The following TRAPPC9 variants were observed in gnomAD, a reference collection of about 807,000 sequenced individuals.
TRAPPC9 encodes IKK2 binding protein.
In TRAPPC9, 83 loss-of-function variants were observed where a neutral mutation model predicts 124.0. The ratio of observed to expected loss-of-function variants is 0.67; its 90% CI spans 0.56 to 0.80. The LOEUF is 0.80. Ranked by LOEUF, TRAPPC9 falls within the 30% of genes least tolerant of loss-of-function variation. The pLI is 0.00. For synonymous variants in TRAPPC9, 638 were observed against 617.5 expected (o/e 1.03, Z -0.49); for missense variants, 1,302 against 1,508.3 (o/e 0.86, Z 2.27).
chr8:140,263,058 G>A (rs1284911643), intron 15 of TRAPPC9, among the ~76,000 whole-genome samples: 1 of 152,162 alleles, frequency 6.6e-6, no homozygotes, highest in African/African-American at 2.4e-5. Context: ...CAGAGCCCTC[G>A]GTAGCACTCA....
chr8:140,288,860 T>C (rs59663540), intron 12 of TRAPPC9, among the ~76,000 whole-genome samples: 20 of 152,278 alleles, frequency 1.3e-4, no homozygotes, highest in African/African-American at 4.1e-4. Context: ...AAAGAAGCCC[T>C]GGGCGAAGGG....
chr8:139,847,785 C>T (rs772710679), intron 21 of TRAPPC9, among the ~76,000 whole-genome samples: 18 of 141,128 alleles, frequency 1.3e-4, no homozygotes, highest in East Asian at 4.3e-4. Flanking sequence ...GCCCAGCCTG[C>T]GGATGGGCAC....
chr8:139,861,235 C>T (rs112264301), intron 21 of TRAPPC9, among the ~76,000 whole-genome samples: 3 of 152,220 alleles, frequency 2.0e-5, no homozygotes, highest in East Asian at 1.9e-4. Flanking sequence ...GGGAGGGGAA[C>T]GAGTTCTTAT....
At chr8:139,944,361 T>C (rs1298921123) in intron 19 of TRAPPC9, among the ~76,000 whole-genome samples, 3 of 152,234 alleles carry the variant, frequency 2.0e-5, no homozygotes, top group African/African-American at 7.2e-5. Context: ...TAAATACAGA[T>C]GACTTCTTAA....
chr8:140,047,234 C>T (rs1220189293), intron 17 of TRAPPC9, among the ~76,000 whole-genome samples: 2 of 152,228 alleles, frequency 1.3e-5, no homozygotes, highest in Admixed American at 6.5e-5. Context: ...ATCACACACG[C>T]GCACGCACAA....
At chr8:139,965,794 T>G (rs1587360336) in intron 19 of TRAPPC9, among the ~76,000 whole-genome samples, 1 of 61,026 alleles carries the variant, frequency 1.6e-5, no homozygotes, top group African/African-American at 3.9e-5. Context: ...TTGAGCAGAG[T>G]TGGCTACGTG....
intron 15 of TRAPPC9, 142 bp from the exon 16 acceptor site, chr8:140,253,071 G>T: frequency 1.2e-6 from 1 of 824,032 alleles, no homozygotes; most frequent in Non-Finnish European, 1.9e-6. Context: ...AAAGTGACAA[G>T]AACATTCCAG....
At chr8:140,142,293 T>G (rs1003823541) in intron 17 of TRAPPC9, among the ~76,000 whole-genome samples, 2 of 152,200 alleles carry the variant, frequency 1.3e-5, no homozygotes, top group Non-Finnish European at 2.9e-5. Flanking sequence ...GAATTGAACA[T>G]TAGAGGCACA....
intron 21 of TRAPPC9, among the ~76,000 whole-genome samples, chr8:139,841,422 C>T (rs565527857): frequency 2.1e-4 from 32 of 152,310 alleles, no homozygotes; most frequent in South Asian, 1.5e-3. Context: ...TGGTGGGGGC[C>T]GGCGGGCCTC....
At chr8:140,328,949 G>A (rs1451003885) in intron 9 of TRAPPC9, among the ~76,000 whole-genome samples, 4 of 152,122 alleles carry the variant, frequency 2.6e-5, no homozygotes, top group Non-Finnish European at 5.9e-5. Context: ...GAAGCCCAAG[G>A]TCAGAGGAAG....
intron 7 of TRAPPC9, among the ~76,000 whole-genome samples, chr8:140,394,175 C>T (rs1190505479): frequency 6.6e-6 from 1 of 152,270 alleles, no homozygotes; most frequent in East Asian, 1.9e-4. Flanking sequence ...GCAGCATTAA[C>T]TTGCAAAGGC....
chr8:140,206,098 T>C (rs1169962681), intron 17 of TRAPPC9, among the ~76,000 whole-genome samples: 1 of 152,160 alleles, frequency 6.6e-6, no homozygotes, highest in Non-Finnish European at 1.5e-5. Context: ...TGGTTTAACA[T>C]TCTAAAACCA....
intron 19 of TRAPPC9, among the ~76,000 whole-genome samples, chr8:139,977,823 G>C (rs963268417): frequency 3.3e-5 from 5 of 151,846 alleles, no homozygotes; most frequent in African/African-American, 1.2e-4. Context: ...TGAGATTACA[G>C]GTGTGTGCCA....
chr8:139,758,467 G>C (rs1820004491), intron 21 of TRAPPC9, among the ~76,000 whole-genome samples: 1 of 152,246 alleles, frequency 6.6e-6, no homozygotes, highest in Admixed American at 6.5e-5. Context: ...CCCCTGGCTA[G>C]AAGGTGAGGC....
chr8:139,852,117 G>C (rs747755877), intron 21 of TRAPPC9, among the ~76,000 whole-genome samples: 1 of 152,148 alleles, frequency 6.6e-6, no homozygotes, highest in Admixed American at 6.5e-5. Context: ...TGATTATAAG[G>C]AGCTTTCCTA....
chr8:140,255,240 A>C (rs1215065924), intron 15 of TRAPPC9, among the ~76,000 whole-genome samples: 2 of 152,262 alleles, frequency 1.3e-5, no homozygotes, highest in Admixed American at 1.3e-4. Context: ...AGTCATTCAC[A>C]GAACACCTCA....
intron 19 of TRAPPC9, among the ~76,000 whole-genome samples, chr8:139,918,056 A>G (rs146820784): frequency 2.0e-5 from 3 of 152,300 alleles, no homozygotes; most frequent in African/African-American, 7.2e-5. Flanking sequence ...AATGGGAGAA[A>G]CTTGGGGAGG....
intron 21 of TRAPPC9, among the ~76,000 whole-genome samples, chr8:139,772,840 T>C (rs1436857450): frequency 1.1e-4 from 17 of 152,088 alleles, no homozygotes; most frequent in Non-Finnish European, 2.2e-4. Context: ...AAGAGGAGAT[T>C]AAAACAGACA....
chr8:140,217,317 G>A (rs1011390399), intron 17 of TRAPPC9, among the ~76,000 whole-genome samples: 9 of 152,200 alleles, frequency 5.9e-5, no homozygotes, highest in Non-Finnish European at 1.3e-4. Context: ...CTACTCGGGA[G>A]GAAGTCTGGA....
Sources: gnomAD v4.1 joint callset for allele counts (sites outside exome capture counted in the v4.1 genomes callset) on GRCh38, gnomAD v4.1.1 for gene constraint, MANE v1.5 for transcripts, NCBI Gene and HGNC (gene_info 2026-07-23, HGNC 2026-07-21) for gene names.